Variants in ABCC6 observed in about 807,000 individuals in gnomAD.
The protein encoded by ABCC6 is ATP-binding cassette sub-family C member 6.
A neutral mutation model predicts 169.5 loss-of-function variants in ABCC6; 126 were observed. The observed-to-expected ratio is 0.74, with a 90% CI of 0.64 to 0.86. The LOEUF (loss-of-function observed/expected upper bound fraction) is 0.86. Among genes scored for constraint, ABCC6 ranks in the 40% least tolerant of loss-of-function variants. ABCC6 has a pLI of 0.00. For synonymous variants in ABCC6, 752 were observed against 814.7 expected (o/e 0.92, Z 1.31); for missense variants, 1,733 against 1,927.2 (o/e 0.90, Z 1.89).
chr16:16,201,514 G>A (rs1478220737), intron 9 of ABCC6, among the ~76,000 whole-genome samples: 1 of 152,146 alleles, frequency 6.6e-6, no homozygotes. Context: ...GGAGGAGAGT[G>A]AGCATGGGAG....
Position 16,188,836 on chromosome 16 carries a change from C to T in ABCC6, c.1774G>A (p.Val592Ile), listed in dbSNP as rs190761354. 4.4e-5 allele frequency: 71 copies of T among 1,613,656 alleles called. No homozygotes were observed. The highest frequency in any genetic ancestry group is 1.0e-4 in the Admixed American group (6 of 59,940). The change falls in exon 13 of 31, where the codon GTC becomes ATC. Residue 592 changes from valine (V) to isoleucine (I), a missense_variant. Physicochemically the swap from Val to Ile is conservative, Grantham distance 29 (BLOSUM62 3). This residue lies in a region of ABCC6 where 1,601 missense variants were observed against 1,635.5 expected (regional missense o/e 0.98). Transcript: ENST00000205557. ...AFLPFSIHSLVQARVSFDRLV... is the reference protein window; with the variant it reads ...AFLPFSIHSLIQARVSFDRLV... ...AGCCCTTGCACCCACCTCACCTGGA[C>T]GAGGGAGTGGATGGAGAAGGGCAGG...
chr16:16,190,669 G>A (rs7193127), intron 11 of ABCC6, among the ~76,000 whole-genome samples: 32,529 of 150,936 alleles, frequency 0.22, 4,287 homozygotes, highest in Non-Finnish European at 0.3. Flanking sequence ...GGAGGTGGTT[G>A]ATGCCTGAGC....
chr16:16,203,674 G>A (rs2048313599), intron 7 of ABCC6, 61 bp from the exon 8 acceptor site: 1 of 1,593,608 alleles, frequency 6.3e-7, no homozygotes, highest in African/African-American at 1.3e-5. Flanking sequence ...GCCAGCGGCA[G>A]GGCCAGGCAT....
Position 16,169,642 on chromosome 16 carries a change from G to C in ABCC6, c.2995+4C>G. The C allele has an allele frequency of 1.2e-6, 2 of 1,610,322 alleles. No homozygotes were observed. Among genetic ancestry groups the C allele is most frequent in the African/African-American group, 2.7e-5 (2 of 74,940 alleles). On this transcript the variant is annotated splice_donor_region_variant and intron_variant, in intron 22 of 30. Transcript: ENST00000205557. ...GAGGGATGAGGAGGGCAGGTGAGGC[G>C]TACCTTGGAGACAGCCGAGGAGCCC...
chr16:16,177,652 C>T (rs1282493252), intron 18 of ABCC6, 26 bp from the exon 19 acceptor site: 1 of 1,613,622 alleles, frequency 6.2e-7, no homozygotes, highest in East Asian at 2.2e-5. Flanking sequence ...GTAGAAGTTA[C>T]ACACATGTGG....
chr16:16,185,202 C>G (rs537955495), intron 14 of ABCC6, among the ~76,000 whole-genome samples, 168 bp from the exon 15 acceptor site: 1 of 152,178 alleles, frequency 6.6e-6, no homozygotes, highest in Non-Finnish European at 1.5e-5. Context: ...TGGGTGACCC[C>G]GCAGGGTTCT....
At chr16:16,197,500 A>C (rs965828777) in intron 10 of ABCC6, among the ~76,000 whole-genome samples, 1 of 150,558 alleles carries the variant, frequency 6.6e-6, no homozygotes, top group East Asian at 2.0e-4. Flanking sequence ...GAGCAGAGGG[A>C]AGAGAGGGAG....
At chr16:16,210,382 C>T (rs753064913) in intron 6 of ABCC6, among the ~76,000 whole-genome samples, 5 of 152,182 alleles carry the variant, frequency 3.3e-5, no homozygotes, top group African/African-American at 7.2e-5. Flanking sequence ...GGTGATCCAC[C>T]TGCCTCAGCC....
chr16:16,190,287 A>G lies in ABCC6; in HGVS notation c.1512T>C (p.His504=). The change falls in exon 12 of 31, where the codon CAT becomes CAC. Residue 504 remains histidine, a synonymous_variant. Coordinates refer to ENST00000205557, the MANE Select transcript of ABCC6 (RefSeq NM_001171.6). ...TGTCCAGAAAGGCTCCCTCCCAGCC[A>G]TGGAACTTGATGGTCTTCGAGTTCC... ...ILRNSKTIKF[H]GWEGAFLDRV... 6.2e-7 allele frequency: 1 copy of G among 1,614,162 alleles called. No individual in the cohort carries two copies. The highest frequency in any genetic ancestry group is 8.5e-7 in the Non-Finnish European group (1 of 1,180,026).
At chr16:16,157,907 T>G in intron 26 of ABCC6, 98 bp from the exon 27 acceptor site, 1 of 1,327,350 alleles carries the variant, frequency 7.5e-7, no homozygotes, top group Admixed American at 2.3e-5. Flanking sequence ...TTCCGCAAAA[T>G]GGACGTATTT....
chr16:16,188,773 A>G (rs2047738655), intron 13 of ABCC6, 58 bp downstream of exon 13: 8 of 1,575,676 alleles, frequency 5.1e-6, no homozygotes, highest in Non-Finnish European at 6.9e-6. Flanking sequence ...GGGAAGCTGG[A>G]GCCAGGTGTA....
intron 10 of ABCC6, among the ~76,000 whole-genome samples, chr16:16,194,272 G>A (rs777570891): frequency 5.9e-5 from 9 of 152,246 alleles, no homozygotes; most frequent in African/African-American, 1.7e-4. Context: ...TTCATCCCTC[G>A]CAAGGGTTGT....
chr16:16,203,212 T>C (rs151261677), intron 8 of ABCC6, among the ~76,000 whole-genome samples, 198 bp downstream of exon 8: 132 of 152,360 alleles, frequency 8.7e-4, no homozygotes, highest in African/African-American at 3.0e-3. Context: ...AGGTAAGAGC[T>C]TGCTTATTTG....
chr16:16,209,492 AGGGATAGCCCT>A (rs2048520395), intron 6 of ABCC6, among the ~76,000 whole-genome samples: 3 of 152,208 alleles, frequency 2.0e-5, no homozygotes, highest in Admixed American at 2.0e-4. Flanking sequence ...GGCTAAACCA[AGGGATAGCCCT>A]TGGCAAGGGA....
chr16:16,214,676 C>A (rs2152295974), intron 4 of ABCC6, among the ~76,000 whole-genome samples: 1 of 152,222 alleles, frequency 6.6e-6, no homozygotes, highest in South Asian at 2.1e-4. Flanking sequence ...ATGATCTCGG[C>A]TCCCTGCAAC....
Position 16,182,472 on chromosome 16 carries a change from A to C in ABCC6, c.2187T>G (p.Cys729Trp). The C allele has an allele frequency of 6.2e-7, 1 of 1,614,182 alleles. No individual in the cohort carries two copies. The highest frequency in any genetic ancestry group is 8.5e-7 in the Non-Finnish European group (1 of 1,180,034). Residue 729 changes from cysteine (C) to tryptophan (W), a missense_variant, in exon 17 of 31, where the codon TGT becomes TGG. Physicochemically the swap from Cys to Trp is radical, Grantham distance 215 (BLOSUM62 -2). This residue lies in a region of ABCC6 where 1,601 missense variants were observed against 1,635.5 expected (regional missense o/e 0.98). Coordinates refer to ENST00000205557, the MANE Select transcript of ABCC6 (RefSeq NM_001171.6). ...PPWLERVLEA[C>W]ALQPDVDSFP... ...AGCTGTCCACATCTGGCTGCAGGGC[A>C]CAGGCTTCTAGTACTCTCTCCAGCC...
At chr16:16,161,615 G>A (rs1192384567) in intron 24 of ABCC6, 51 bp from the exon 25 acceptor site, 10 of 1,612,512 alleles carry the variant, frequency 6.2e-6, no homozygotes, top group Non-Finnish European at 8.5e-6. Context: ...TCTGCAGGGA[G>A]ATGCTTCTCT....
chr16:16,190,662 G>A (rs578206663), intron 11 of ABCC6, among the ~76,000 whole-genome samples: 1 of 151,722 alleles, frequency 6.6e-6, no homozygotes, highest in Admixed American at 6.6e-5. Flanking sequence ...GCTACCTGGA[G>A]GTGGTTGATG....
In ABCC6 at chr16:16,188,797, C is replaced by A. The variant is rs867399763; in HGVS notation, c.1779+34G>T. The stretch of plus-strand genomic sequence containing the variant: ...GAGCCAGGTGTAGCCCACGCACTCT[C>A]CCAGGATGGCTCCAGCCCTTGCACC... On this transcript the variant is annotated intron_variant, in intron 13 of 30. Transcript: ENST00000205557. 8.1e-6 allele frequency: 13 copies of A among 1,604,814 alleles called. No homozygotes were observed. The Middle Eastern group carries it at 2.0e-3, about 250-fold the overall frequency.
Sources: allele counts gnomAD v4.1 joint callset (sites outside exome capture counted in the v4.1 genomes callset), GRCh38; gene constraint gnomAD v4.1.1; regional missense constraint gnomAD v4.1.1; transcripts MANE v1.5; gene names NCBI Gene and HGNC (gene_info 2026-07-23, HGNC 2026-07-21).